TXNDC12: variants seen among roughly 807,000 people sequenced by gnomAD.
The protein encoded by TXNDC12 is thioredoxin domain containing 12, also known as thioredoxin domain-containing protein 12.
TXNDC12 carries 22 observed loss-of-function variants against 24.2 expected under a neutral mutation model. The observed-to-expected ratio is 0.91, with a 90% CI of 0.65 to 1.30. The LOEUF (loss-of-function observed/expected upper bound fraction) is 1.30. TXNDC12 is among the 50% of genes most tolerant of loss of function. TXNDC12 has a pLI of 0.00. For missense variants in TXNDC12, 184 were observed against 205.8 expected, an observed-to-expected ratio of 0.89 and a Z score of 0.65; for synonymous variants, 58 against 73.4, an observed-to-expected ratio of 0.79 and a Z score of 1.07.
upstream of TXNDC12, chr1:52,055,290 C>T (rs1686318346): frequency 1.8e-6 from 1 of 563,468 alleles, no homozygotes; most frequent in Non-Finnish European, 3.2e-6. Flanking sequence ...ATGGAGTGAG[C>T]TTAAAGGTGC....
At chr1:52,041,705 C>A in intron 1 of TXNDC12, 108 bp from the exon 2 acceptor site, 1 of 680,524 alleles carries the variant, frequency 1.5e-6, no homozygotes, top group Non-Finnish European at 2.4e-6. Context: ...TTTCTTCTGT[C>A]AAGAGCTTGG....
At chr1:52,055,209 T>A, upstream of TXNDC12, 1 of 702,544 alleles carries the variant, frequency 1.4e-6, no homozygotes, top group Non-Finnish European at 2.5e-6. Context: ...CTTCCCAGAT[T>A]TTTTTTTTTC....
intron 1 of TXNDC12, 38 bp downstream of exon 1, chr1:52,054,962 T>C: frequency 6.8e-7 from 1 of 1,460,038 alleles, no homozygotes; most frequent in South Asian, 1.1e-5. Flanking sequence ...ATCAGTATAG[T>C]AAAGATCAGT....
At chr1:52,037,453 C>G (rs1685904978) in intron 2 of TXNDC12, among the ~76,000 whole-genome samples, 1 of 152,112 alleles carries the variant, frequency 6.6e-6, no homozygotes, top group Non-Finnish European at 1.5e-5. Flanking sequence ...TTCAGGTGAT[C>G]CCCCGACCTC....
intron 1 of TXNDC12, among the ~76,000 whole-genome samples, chr1:52,049,922 A>T (rs1379690416): frequency 6.6e-6 from 1 of 152,184 alleles, no homozygotes; most frequent in Admixed American, 6.5e-5. Context: ...CAGGTACTTA[A>T]ATGCTTTTAT....
chr1:52,042,934 AT>A (rs1686021926), intron 1 of TXNDC12, among the ~76,000 whole-genome samples: 1 of 151,780 alleles, frequency 6.6e-6, no homozygotes, highest in Non-Finnish European at 1.5e-5. Context: ...TAATTTTTGT[AT>A]TTTTAGTAGA....
intron 2 of TXNDC12, chr1:52,032,675 GC>G (rs1288715293): frequency 1.0e-5 from 16 of 1,561,208 alleles, no homozygotes; most frequent in Admixed American, 7.9e-5. Flanking sequence ...AGAAGCCATG[GC>G]TTCCCCCCTA....
At chr1:52,028,508 A>G in intron 3 of TXNDC12, 70 bp downstream of exon 3, 2 of 1,264,626 alleles carry the variant, frequency 1.6e-6, no homozygotes, top group Non-Finnish European at 2.3e-6. Flanking sequence ...AGTCAGTGCC[A>G]ATATTTGTTA....
Position 52,032,466 on chromosome 1 carries a change from G to GC in TXNDC12, c.159-3837_159-3836insG, listed in dbSNP as rs34611753. On this transcript the variant is annotated intron_variant, in intron 2 of 6. Transcript: ENST00000371626. Reference sequence around the variant, plus strand: ...CCTGTCCACCTTAGCTCTGTCCTCTGAGGGATTTGCCAGGTTGCACCACAA... The same window carrying GC: ...CCTGTCCACCTTAGCTCTGTCCTCTGCAGGGATTTGCCAGGTTGCACCACAA... The GC allele has an allele frequency of 3.9e-6, 5 of 1,294,586 alleles. No homozygotes were observed. The African/African-American group carries it at 7.9e-5, about 20-fold the overall frequency. 80.2% of individuals were successfully genotyped at this position (1,294,586 alleles called of 1,614,324 possible). A position where few individuals can be genotyped will look rare whatever the true frequency, so the allele number is the denominator to read the frequency against.
intron 6 of TXNDC12, 95 bp from the exon 7 acceptor site, chr1:52,021,107 G>A (rs927900803): frequency 1.1e-6 from 1 of 935,588 alleles, no homozygotes; most frequent in Non-Finnish European, 1.7e-6. Context: ...GAAGAAATAT[G>A]AGAGGAGTAC....
At chr1:52,021,177 G>T (rs900613014) in intron 6 of TXNDC12, among the ~76,000 whole-genome samples, 165 bp from the exon 7 acceptor site, 4 of 152,138 alleles carry the variant, frequency 2.6e-5, no homozygotes, top group Non-Finnish European at 5.9e-5. Flanking sequence ...TTATCTCTTT[G>T]AATTTGTTTC....
chr1:52,028,300 C>T (rs1444522479), intron 3 of TXNDC12, among the ~76,000 whole-genome samples: 2 of 152,074 alleles, frequency 1.3e-5, no homozygotes, highest in Admixed American at 1.3e-4. Context: ...TGTCTCTGTC[C>T]GTACATTTCA....
chr1:52,037,718 G>A (rs371353217), intron 2 of TXNDC12, among the ~76,000 whole-genome samples: 1 of 152,268 alleles, frequency 6.6e-6, no homozygotes. Context: ...AACACTGGCA[G>A]CTGGTGTTTA....
intron 1 of TXNDC12, chr1:52,051,809 G>C (rs1325490183): frequency 5.9e-6 from 1 of 169,322 alleles, no homozygotes; most frequent in Non-Finnish European, 1.5e-5. Flanking sequence ...CATCTGGGAA[G>C]AAATCCATCT....
At chr1:52,046,613 C>T (rs1436602388) in intron 1 of TXNDC12, among the ~76,000 whole-genome samples, 1 of 151,990 alleles carries the variant, frequency 6.6e-6, no homozygotes, top group Non-Finnish European at 1.5e-5. Flanking sequence ...TCGTGGCTCA[C>T]GCCTGTAATC....
intron 6 of TXNDC12, among the ~76,000 whole-genome samples, chr1:52,022,378 G>A (rs1685610179): frequency 1.3e-5 from 2 of 152,142 alleles, no homozygotes; most frequent in Non-Finnish European, 2.9e-5. Flanking sequence ...ACTGGCTGAC[G>A]ATTGCAAACT....
chr1:52,021,116 A>G, intron 6 of TXNDC12, 104 bp from the exon 7 acceptor site: 1 of 850,970 alleles, frequency 1.2e-6, no homozygotes, highest in Non-Finnish European at 1.9e-6. Flanking sequence ...TGAGAGGAGT[A>G]CAAGATCTGG....
At chr1:52,031,698 C>A (rs762507975) in intron 2 of TXNDC12, among the ~76,000 whole-genome samples, 1 of 151,950 alleles carries the variant, frequency 6.6e-6, no homozygotes, top group Non-Finnish European at 1.5e-5. Flanking sequence ...GCCACGTTGG[C>A]CAGGCTGGTC....
Position 52,028,638 on chromosome 1 carries a change from G to A in TXNDC12, c.159-8C>T. 6.2e-7 allele frequency: 1 copy of A among 1,602,968 alleles called. No homozygotes were observed. The highest frequency in any genetic ancestry group is 8.5e-7 in the Non-Finnish European group (1 of 1,173,968). On this transcript the variant is annotated splice_polypyrimidine_tract_variant and splice_region_variant and intron_variant, in intron 2 of 6. Transcript: ENST00000371626. ...ACCATCAGGGGCAGTCCACTTAAAA[G>A]CAAAACAAAGAAATTATAATCTAGT...
Sources: allele counts gnomAD v4.1 joint callset (sites outside exome capture counted in the v4.1 genomes callset), GRCh38; gene constraint gnomAD v4.1.1; transcripts MANE v1.5; gene names NCBI Gene and HGNC (gene_info 2026-07-23, HGNC 2026-07-21).